Variants in SLC8A3 observed in about 807,000 individuals in gnomAD.
The protein encoded by SLC8A3 is solute carrier family 8 member A3.
SLC8A3 carries 37 observed loss-of-function variants against 65.4 expected under a neutral mutation model. The ratio of observed to expected loss-of-function variants is 0.57; its 90% CI spans 0.44 to 0.74. SLC8A3 has a LOEUF of 0.74. Ranked by LOEUF, SLC8A3 falls within the 30% of genes least tolerant of loss-of-function variation. The probability of loss-of-function intolerance (pLI) is 0.00; values close to 1 mark genes in which losing one functional copy is unlikely to be tolerated. For synonymous variants in SLC8A3, 461 were observed against 444.5 expected, an observed-to-expected ratio of 1.04 and a Z score of -0.47; for missense variants, 1,112 against 1,172.1, an observed-to-expected ratio of 0.95 and a Z score of 0.75.
chr14:70,145,025 A>G (rs1156479040), intron 2 of SLC8A3, among the ~76,000 whole-genome samples: 1 of 152,216 alleles, frequency 6.6e-6, no homozygotes, highest in Non-Finnish European at 1.5e-5. Context: ...GCTCAGCTGG[A>G]CTTTGTTAAA....
chr14:70,063,462 C>G (rs768534758), intron 2 of SLC8A3, among the ~76,000 whole-genome samples: 80 of 152,190 alleles, frequency 5.3e-4, no homozygotes, highest in Admixed American at 9.8e-4. Context: ...GTCCCTTTTC[C>G]CCCCTTTATG....
At chr14:70,066,027 G>T (rs1043022190) in intron 2 of SLC8A3, among the ~76,000 whole-genome samples, 1 of 152,210 alleles carries the variant, frequency 6.6e-6, no homozygotes, top group Non-Finnish European at 1.5e-5. Flanking sequence ...AGCATGGCTC[G>T]TGCTGTTTTG....
chr14:70,058,834 G>C (rs186795707), intron 3 of SLC8A3, among the ~76,000 whole-genome samples: 1 of 152,146 alleles, frequency 6.6e-6, no homozygotes, highest in Non-Finnish European at 1.5e-5. Context: ...TGCTGCTTTC[G>C]TTTGCATCTA....
Position 70,155,721 on chromosome 14 carries a change from C to T in SLC8A3, c.1784+10918G>A, listed in dbSNP as rs143921419. On this transcript the variant is annotated intron_variant, in intron 2 of 6. Transcript: ENST00000356921. ...ATAACAGTGGTAAGGCCCAGGTAAC[C>T]AAAGCTGTGCCCATTCTTTCCAGCA... 4.5e-3 allele frequency among the ~76,000 whole-genome samples: 680 copies of T among 152,322 alleles called. 11 individuals are homozygous for T. The South Asian group carries it at 0.062, about 14-fold the overall frequency.
intron 2 of SLC8A3, among the ~76,000 whole-genome samples, chr14:70,097,877 A>G (rs1282912025): frequency 6.6e-6 from 1 of 152,202 alleles, no homozygotes; most frequent in Non-Finnish European, 1.5e-5. Flanking sequence ...TGCACTTGGC[A>G]TCAGATTCCA....
intron 2 of SLC8A3, among the ~76,000 whole-genome samples, chr14:70,081,351 A>G (rs1487614664): frequency 6.6e-6 from 1 of 152,212 alleles, no homozygotes; most frequent in South Asian, 2.1e-4. Context: ...AATTTGGATA[A>G]ATACTAATTT....
At chr14:70,060,534 G>A (rs1888667761) in intron 3 of SLC8A3, 2 of 488,362 alleles carry the variant, frequency 4.1e-6, no homozygotes, top group African/African-American at 4.0e-5. Context: ...TAGCAAAACA[G>A]GGAAATAACT....
At chr14:70,159,785 A>G (rs1174496184) in intron 2 of SLC8A3, among the ~76,000 whole-genome samples, 1 of 152,194 alleles carries the variant, frequency 6.6e-6, no homozygotes, top group African/African-American at 2.4e-5. Flanking sequence ...CACCTTCCCA[A>G]GCAGTGCCCA....
intron 2 of SLC8A3, among the ~76,000 whole-genome samples, chr14:70,162,753 A>G (rs990962397): frequency 6.6e-6 from 1 of 152,208 alleles, no homozygotes; most frequent in Non-Finnish European, 1.5e-5. Context: ...GACTATAGTG[A>G]TGGTTGCAAA....
chr14:70,099,134 G>T (rs1892388712), intron 2 of SLC8A3, among the ~76,000 whole-genome samples: 1 of 152,062 alleles, frequency 6.6e-6, no homozygotes, highest in Non-Finnish European at 1.5e-5. Flanking sequence ...ATTTTCCATT[G>T]CAATTGCACT....
intron 1 of SLC8A3, among the ~76,000 whole-genome samples, chr14:70,182,044 G>A (rs1006241656): frequency 1.3e-5 from 2 of 152,152 alleles, no homozygotes; most frequent in African/African-American, 2.4e-5. Context: ...CTGCACTTGG[G>A]TAGTGGTGTT....
At chr14:70,090,214 T>G (rs17175444) in intron 2 of SLC8A3, among the ~76,000 whole-genome samples, 11,564 of 152,264 alleles carry the variant, frequency 0.076, 522 homozygotes, top group Non-Finnish European at 0.11. Flanking sequence ...TGACCATTGA[T>G]TTATGCATGT....
At chr14:70,187,330 GGGGA>G (rs1883345621) in intron 1 of SLC8A3, 3 of 158,036 alleles carry the variant, frequency 1.9e-5, no homozygotes, top group East Asian at 1.5e-4. Flanking sequence ...CGGGGGGCGG[GGGGA>G]GAGAGAGAGA....
chr14:70,096,935 G>C (rs903030078), intron 2 of SLC8A3, among the ~76,000 whole-genome samples: 6 of 152,196 alleles, frequency 3.9e-5, no homozygotes, highest in African/African-American at 1.4e-4. Flanking sequence ...ACAGAGTCTT[G>C]TGAGTAAAAA....
chr14:70,078,083 T>C (rs1374405145), intron 2 of SLC8A3, among the ~76,000 whole-genome samples: 1 of 152,226 alleles, frequency 6.6e-6, no homozygotes, highest in African/African-American at 2.4e-5. Flanking sequence ...CATGTTTGTT[T>C]ATATGGCACA....
chr14:70,074,320 CA>C (rs1331918600), intron 2 of SLC8A3, among the ~76,000 whole-genome samples: 1 of 152,156 alleles, frequency 6.6e-6, no homozygotes, highest in Non-Finnish European at 1.5e-5. Flanking sequence ...TTCTCCCAGT[CA>C]AAGGGGAAAT....
intron 1 of SLC8A3, among the ~76,000 whole-genome samples, chr14:70,177,532 G>T (rs1897982789): frequency 6.6e-6 from 1 of 152,192 alleles, no homozygotes; most frequent in Non-Finnish European, 1.5e-5. Context: ...GCTAACATTA[G>T]ATCTAGGATT....
In SLC8A3 at chr14:70,167,152, T is replaced by C; in HGVS notation, c.1271A>G (p.Asp424Gly). The change falls in exon 2 of 7, where the codon GAC (aspartate) becomes GGC (glycine). Residue 424 changes from aspartate to glycine, a missense_variant. Physicochemically the swap from Asp to Gly is moderately conservative, Grantham distance 94. Transcript: ENST00000356921. ...GTCCACATACATGGTCTTTGACATG[T>C]CTCCCCCTTTCCTCACCACTGTCAG... ...VLLTVVRKGGDMSKTMYVDYK... is the reference protein window; with the variant it reads ...VLLTVVRKGGGMSKTMYVDYK... 3.1e-6 allele frequency: 5 copies of C among 1,614,080 alleles called. No homozygotes were observed. Among genetic ancestry groups the C allele is most frequent in the Non-Finnish European group, 4.2e-6 (5 of 1,180,000 alleles).
At chr14:70,176,897 A>G (rs78256149) in intron 1 of SLC8A3, among the ~76,000 whole-genome samples, 6,832 of 152,302 alleles carry the variant, frequency 0.045, 242 homozygotes, top group Non-Finnish European at 0.069. Flanking sequence ...CCTTTCACTG[A>G]TAATAGCTTA....
Sources: gnomAD v4.1 joint callset for allele counts (sites outside exome capture counted in the v4.1 genomes callset) on GRCh38, gnomAD v4.1.1 for gene constraint, MANE v1.5 for transcripts, NCBI Gene and HGNC (gene_info 2026-07-23, HGNC 2026-07-21) for gene names.